The following ARHGEF3 variants were observed in gnomAD, a reference collection of about 807,000 sequenced individuals.
ARHGEF3 encodes the protein 59.8 kDA protein.
In ARHGEF3, 28 loss-of-function variants were observed where a neutral mutation model predicts 63.2. The observed-to-expected ratio is 0.44, with a 90% CI of 0.33 to 0.61. The LOEUF (loss-of-function observed/expected upper bound fraction) is 0.61. Ranked by LOEUF, ARHGEF3 falls within the 20% of genes least tolerant of loss-of-function variation. The pLI is 0.03. For missense variants in ARHGEF3, 533 were observed against 659.3 expected, an observed-to-expected ratio of 0.81 and a Z score of 2.10; for synonymous variants, 266 against 254.2, an observed-to-expected ratio of 1.05 and a Z score of -0.44.
chr3:56,794,919 C>T (rs1479058580), intron 1 of ARHGEF3, among the ~76,000 whole-genome samples: 1 of 152,022 alleles, frequency 6.6e-6, no homozygotes, highest in African/African-American at 2.4e-5. Flanking sequence ...GTTGCAGTGG[C>T]ACAATCTCAG....
intron 1 of ARHGEF3, among the ~76,000 whole-genome samples, chr3:56,794,488 CAAAAAAAAA>C (rs10557985): frequency 0.33 from 38,124 of 117,030 alleles, 6,069 homozygotes; most frequent in Middle Eastern, 0.55. Flanking sequence ...GACTCTATCT[CAAAAAAAAA>C]AAAAAAAAAA....
chr3:57,023,281 T>G (rs1266239482), intron 2 of ARHGEF3, among the ~76,000 whole-genome samples: 1 of 152,192 alleles, frequency 6.6e-6, no homozygotes, highest in African/African-American at 2.4e-5. Flanking sequence ...AGATCCACTC[T>G]CAATTCTACC....
rs1553806980 is a variant in ARHGEF3 at position 57,017,032 on chromosome 3, T to TCACACA, written c.62+18050_62+18055dup. Among the ~76,000 whole-genome samples, 545 of 104,348 alleles carry TCACACA rather than the reference T, an allele frequency of 5.2e-3. 7 individuals are homozygous for TCACACA. Among genetic ancestry groups the TCACACA allele is most frequent in the South Asian group, 0.016 (48 of 2,914 alleles). The allele number at this position is 104,348 out of a possible 152,430, so 68.5% of individuals were successfully genotyped here. On this transcript the variant is annotated intron_variant, in intron 2 of 12. Transcript: ENST00000338458. ...CTCTCTCTCTCTCTCTCTCTCTCTC[T>TCACACA]CACACACACACACACACACACACAC...
chr3:56,762,978 ATT>A (rs1186355790), intron 2 of ARHGEF3, among the ~76,000 whole-genome samples: 1 of 152,152 alleles, frequency 6.6e-6, no homozygotes, highest in African/African-American at 2.4e-5. Context: ...AGGATGAGTA[ATT>A]TGAGTAGCAG....
chr3:56,949,428 A>G (rs1236581010), intron 3 of ARHGEF3, among the ~76,000 whole-genome samples: 2 of 152,064 alleles, frequency 1.3e-5, no homozygotes, highest in East Asian at 3.9e-4. Context: ...CAACTTCAGC[A>G]AAGTCTCAGG....
At chr3:56,885,515 A>C (rs922140688) in intron 3 of ARHGEF3, among the ~76,000 whole-genome samples, 1 of 152,130 alleles carries the variant, frequency 6.6e-6, no homozygotes, top group African/African-American at 2.4e-5. Context: ...TGTCAACCTG[A>C]CATGTTGACA....
intron 4 of ARHGEF3, among the ~76,000 whole-genome samples, chr3:56,810,264 C>T (rs2108001134): frequency 6.6e-6 from 1 of 152,266 alleles, no homozygotes; most frequent in South Asian, 2.1e-4. Context: ...CTAAAATAGG[C>T]TGGGTGTGGT....
intron 4 of ARHGEF3, among the ~76,000 whole-genome samples, chr3:56,822,618 T>C (rs2038552565): frequency 6.6e-6 from 1 of 152,094 alleles, no homozygotes; most frequent in South Asian, 2.1e-4. Flanking sequence ...CCTAGCACTT[T>C]GGGAGGCCAA....
chr3:57,042,817 C>T (rs1704281801), intron 1 of ARHGEF3, among the ~76,000 whole-genome samples: 2 of 149,588 alleles, frequency 1.3e-5, no homozygotes, highest in Non-Finnish European at 3.0e-5. Context: ...CTGCCTCAGC[C>T]TCCCAAGTAC....
chr3:56,821,528 T>G (rs2038493011), intron 4 of ARHGEF3, among the ~76,000 whole-genome samples: 5 of 152,194 alleles, frequency 3.3e-5, no homozygotes, highest in Admixed American at 3.3e-4. Flanking sequence ...GTCAATGCCA[T>G]TGAGGTTATA....
At position 56,937,253 on chromosome 3, in the gene ARHGEF3, T is replaced by C. The variant is rs544476573; in HGVS notation, c.129+21570A>G. Among the ~76,000 whole-genome samples, 17 of 152,300 alleles carry C rather than the reference T, an allele frequency of 1.1e-4. No individual in the cohort carries two copies. In the South Asian group the frequency reaches 3.3e-3, roughly 30 times the overall value. ...TGAATATAGATGGAATATTAGAATGTTGGAGAATTATTGATAACTTAGGTT... is the reference window on the plus strand; with the variant it reads ...TGAATATAGATGGAATATTAGAATGCTGGAGAATTATTGATAACTTAGGTT... On this transcript the variant is annotated intron_variant, in intron 3 of 12. Transcript: ENST00000338458.
chr3:56,754,209 G>C (rs771566392), intron 3 of ARHGEF3, among the ~76,000 whole-genome samples: 2 of 151,988 alleles, frequency 1.3e-5, no homozygotes, highest in African/African-American at 2.4e-5. Context: ...TTTCTAATTT[G>C]GCTCTATTAA....
At chr3:57,022,286 G>GC (rs1477790195) in intron 2 of ARHGEF3, among the ~76,000 whole-genome samples, 1 of 151,998 alleles carries the variant, frequency 6.6e-6, no homozygotes, top group Non-Finnish European at 1.5e-5. Context: ...ACCTGGGGAA[G>GC]CCCAGGAGGT....
chr3:57,031,677 C>T (rs1022882595), intron 2 of ARHGEF3, among the ~76,000 whole-genome samples: 2 of 152,196 alleles, frequency 1.3e-5, no homozygotes, highest in Non-Finnish European at 2.9e-5. Context: ...ATCAATTAAT[C>T]GTTCAATGGG....
At chr3:57,057,538 G>A (rs1704997610) in intron 1 of ARHGEF3, among the ~76,000 whole-genome samples, 1 of 152,094 alleles carries the variant, frequency 6.6e-6, no homozygotes, top group African/African-American at 2.4e-5. Flanking sequence ...GTAGGGTAGA[G>A]TCTGAGCCGG....
At chr3:56,842,079 T>C (rs1157391501) in intron 4 of ARHGEF3, among the ~76,000 whole-genome samples, 5 of 152,014 alleles carry the variant, frequency 3.3e-5, no homozygotes, top group Non-Finnish European at 5.9e-5. Flanking sequence ...GATGAGAAAA[T>C]GAAGGCTAAG....
At chr3:56,912,972 G>A (rs1036764073) in intron 3 of ARHGEF3, among the ~76,000 whole-genome samples, 3 of 152,016 alleles carry the variant, frequency 2.0e-5, no homozygotes, top group East Asian at 1.9e-4. Context: ...ACCTGGTCTT[G>A]ACAAAAAAGT....
intron 3 of ARHGEF3, among the ~76,000 whole-genome samples, chr3:56,915,908 C>T (rs534515251): frequency 1.4e-4 from 21 of 152,142 alleles, no homozygotes; most frequent in Admixed American, 2.6e-4. Context: ...CCTTCTTTTC[C>T]CTCTTTTCCT....
At chr3:57,035,045 A>C in intron 2 of ARHGEF3, 3 of 1,457,128 alleles carry the variant, frequency 2.1e-6, no homozygotes, top group Non-Finnish European at 2.8e-6. Flanking sequence ...GCATACAGGA[A>C]TTTTAAAATT....
Sources: allele counts gnomAD v4.1 joint callset (sites outside exome capture counted in the v4.1 genomes callset), GRCh38; gene constraint gnomAD v4.1.1; transcripts MANE v1.5; gene names NCBI Gene and HGNC (gene_info 2026-07-23, HGNC 2026-07-21).